Variants in AFG2A observed in about 807,000 individuals in gnomAD.
AFG2A encodes the protein ATPase family gene 2 protein homolog A.
chr4:123,291,509 G>T, the AFG2A span, among the ~76,000 whole-genome samples: 13 of 152,172 alleles, frequency 8.5e-5, no homozygotes, highest in African/African-American at 2.9e-4. Flanking sequence ...TTGTAGGGCT[G>T]GTCAAGTGGT....
At chr4:123,086,796 A>C in the AFG2A span, among the ~76,000 whole-genome samples, 4 of 152,050 alleles carry the variant, frequency 2.6e-5, no homozygotes, top group East Asian at 1.9e-4. Context: ...GTAAGTGCAG[A>C]GATTCTTTCC....
At chr4:122,995,398 A>AT in the AFG2A span, among the ~76,000 whole-genome samples, 1 of 152,218 alleles carries the variant, frequency 6.6e-6, no homozygotes, top group African/African-American at 2.4e-5. Context: ...TCTCTTGTGC[A>AT]TTTTTATAGT....
chr4:123,200,286 T>A, the AFG2A span, among the ~76,000 whole-genome samples: 1 of 152,266 alleles, frequency 6.6e-6, no homozygotes, highest in Non-Finnish European at 1.5e-5. Flanking sequence ...ACATTTTCTA[T>A]GTTAATACAT....
the AFG2A span, among the ~76,000 whole-genome samples, chr4:123,122,144 C>G: frequency 6.6e-6 from 1 of 152,098 alleles, no homozygotes; most frequent in Non-Finnish European, 1.5e-5. Context: ...GTTTTGCTAT[C>G]TAGGATAATA....
chr4:123,021,258 C>T, the AFG2A span, among the ~76,000 whole-genome samples: 4 of 143,410 alleles, frequency 2.8e-5, no homozygotes, highest in Non-Finnish European at 6.1e-5. Context: ...ACTCTTTGAG[C>T]TTTTTTTTTT....
At chr4:123,118,795 A>G in the AFG2A span, among the ~76,000 whole-genome samples, 1 of 152,080 alleles carries the variant, frequency 6.6e-6, no homozygotes, top group Non-Finnish European at 1.5e-5. Context: ...GGTTGGTATC[A>G]GTAGTTAGTA....
the AFG2A span, among the ~76,000 whole-genome samples, chr4:123,166,771 T>C: frequency 6.6e-6 from 1 of 152,174 alleles, no homozygotes; most frequent in African/African-American, 2.4e-5. Flanking sequence ...ACTGTAACTA[T>C]GTCAAATATA....
chr4:123,174,838 T>C, the AFG2A span, among the ~76,000 whole-genome samples: 19 of 151,340 alleles, frequency 1.3e-4, no homozygotes, highest in African/African-American at 4.6e-4. Flanking sequence ...TATATATATA[T>C]ATATTATTTT....
chr4:123,016,667 G>A, the AFG2A span, among the ~76,000 whole-genome samples: 64 of 144,916 alleles, frequency 4.4e-4, no homozygotes, highest in African/African-American at 1.6e-3. Context: ...GGCTCCTCAC[G>A]TCCCAGACGA....
chr4:123,266,937 T>C, the AFG2A span, among the ~76,000 whole-genome samples: 36 of 152,016 alleles, frequency 2.4e-4, no homozygotes. Context: ...ATTATTTTGC[T>C]CTTTCTTTGA....
At chr4:123,272,881 G>T in the AFG2A span, among the ~76,000 whole-genome samples, 1 of 152,264 alleles carries the variant, frequency 6.6e-6, no homozygotes, top group South Asian at 2.1e-4. Context: ...TTCATAGAAT[G>T]GAAGAGACTT....
At chr4:122,948,554 T>C in the AFG2A span, among the ~76,000 whole-genome samples, 1 of 152,026 alleles carries the variant, frequency 6.6e-6, no homozygotes, top group Admixed American at 6.6e-5. Flanking sequence ...TTCCTTAAAA[T>C]TGAGTGTCAT....
At chr4:123,227,188 G>T in the AFG2A span, among the ~76,000 whole-genome samples, 1,106 of 152,208 alleles carry the variant, frequency 7.3e-3, 26 homozygotes, top group South Asian at 0.087. Flanking sequence ...TTTTTTGAAA[G>T]GTTTTTTGTG....
chr4:122,943,224 T>G, the AFG2A span, among the ~76,000 whole-genome samples: 1 of 152,300 alleles, frequency 6.6e-6, no homozygotes, highest in Non-Finnish European at 1.5e-5. Context: ...TGTCTAATGT[T>G]GACAGTGGGG....
At chr4:122,951,995 A>G in the AFG2A span, among the ~76,000 whole-genome samples, 1 of 152,178 alleles carries the variant, frequency 6.6e-6, no homozygotes, top group East Asian at 1.9e-4. Flanking sequence ...GCAGGTATGT[A>G]AGCCATTTGG....
the AFG2A span, among the ~76,000 whole-genome samples, chr4:122,968,831 T>C: frequency 6.6e-6 from 1 of 152,324 alleles, no homozygotes; most frequent in East Asian, 1.9e-4. Flanking sequence ...ACATGGAGTT[T>C]ATAGCAGTAT....
chr4:123,225,594 T>G, the AFG2A span, among the ~76,000 whole-genome samples: 1 of 152,222 alleles, frequency 6.6e-6, no homozygotes. Flanking sequence ...ACCAGTACCA[T>G]GCTGTTTTGG....
At chr4:123,203,555 G>A in the AFG2A span, among the ~76,000 whole-genome samples, 82,272 of 152,060 alleles carry the variant, frequency 0.54, 25,418 homozygotes, top group Non-Finnish European at 0.68. Context: ...TGGGATTATA[G>A]GCGTGAGCCA....
At chr4:123,276,838 A>G in the AFG2A span, among the ~76,000 whole-genome samples, 2 of 151,954 alleles carry the variant, frequency 1.3e-5, no homozygotes, top group Non-Finnish European at 2.9e-5. Context: ...TCATTGGTCT[A>G]TGTTTCTGTT....
Sources: gnomAD v4.1 joint callset for allele counts (sites outside exome capture counted in the v4.1 genomes callset) on GRCh38, gnomAD v4.1.1 for gene constraint, MANE v1.5 for transcripts, NCBI Gene and HGNC (gene_info 2026-07-23, HGNC 2026-07-21) for gene names.